ZNF891: variants seen among roughly 807,000 people sequenced by gnomAD.
ZNF891 encodes zinc finger protein 891.
For missense variants in ZNF891, 589 were observed against 632.7 expected (o/e 0.93, Z 0.74); for synonymous variants, 199 against 209.0 (o/e 0.95, Z 0.41).
chr12:133,125,749 A>T (rs1193845115), intron 1 of ZNF891: 2 of 435,208 alleles, frequency 4.6e-6, no homozygotes, highest in East Asian at 6.0e-5. Flanking sequence ...GATAGAAGGT[A>T]ACACACTTGT....
At position 133,106,162 on chromosome 12, in the gene ZNF891, T is replaced by C. The variant is rs764632585; in HGVS notation, c.*14122A>G. 2.5e-6 allele frequency: 4 copies of C among 1,614,182 alleles called. No individual in the cohort carries two copies. The highest frequency in any genetic ancestry group is 3.4e-6 in the Non-Finnish European group (4 of 1,180,014). ...AACTCATTCGCCACCAGATTACACA[T>C]ACTGGAGAGAAACCTTATGAATGCA... On this transcript the variant is annotated 3_prime_UTR_variant, in exon 2 of 2. Transcript: ENST00000537226.
Position 133,121,549 on chromosome 12 carries a change from AT to A in ZNF891, c.369del (p.Glu123AspfsTer16). 1 of 1,536,398 alleles carries A rather than the reference AT, an allele frequency of 6.5e-7. No individual in the cohort carries two copies. The highest frequency in any genetic ancestry group is 8.7e-7 in the Non-Finnish European group (1 of 1,146,968). ...TCCCACAAAATTTTCTGCACAGTTG[AT>A]TCTTTGGTTTTAGGTTGAATCTTCT... ...PDQKIQPKTK[E>X]STVQKILWEE... On this transcript the variant is annotated frameshift_variant, in exon 2 of 2. Transcript: ENST00000537226. LOFTEE classifies it low-confidence loss of function (END_TRUNC).
At position 133,105,888 on chromosome 12, in the gene ZNF891, T is replaced by G; in HGVS notation, c.*14396A>C. 6.2e-7 allele frequency: 1 copy of G among 1,614,152 alleles called. No individual in the cohort carries two copies. The highest frequency in any genetic ancestry group is 1.7e-5 in the Admixed American group (1 of 60,020). On this transcript the variant is annotated 3_prime_UTR_variant, in exon 2 of 2. Transcript: ENST00000537226. The stretch of plus-strand genomic sequence containing the variant: ...AAAACCTTTAGCCAGATTTCAAACC[T>G]TGTGAAACACCAAATGATACATACT...
rs1022927160 is a variant in ZNF891 at position 133,104,895 on chromosome 12, C to T, written c.*15389G>A. Among the ~76,000 whole-genome samples the T allele has an allele frequency of 8.6e-5, 13 of 152,006 alleles. No individual in the cohort carries two copies. Among genetic ancestry groups the T allele is most frequent in the African/African-American group, 2.7e-4 (11 of 41,446 alleles). On this transcript the variant is annotated 3_prime_UTR_variant, in exon 2 of 2. Coordinates refer to ENST00000537226, the MANE Select transcript of ZNF891 (RefSeq NM_001277291.2). ...TTTGGTGTGCAGATAATTTTGTCAC[C>T]CAGGTAATCAGCATAATGCCCAATA...
rs1475370637 is a variant in ZNF891, at chr12:133,121,116, G to C, written c.803C>G (p.Thr268Arg). 1 of 1,535,520 alleles carries C rather than the reference G, an allele frequency of 6.5e-7. No individual in the cohort carries two copies. Among genetic ancestry groups the C allele is most frequent in the East Asian group, 2.4e-5 (1 of 40,890 alleles). ...QRNQTVQKEY[T>R]YSKHGMHFTH... ...GAAGTGCATTCCATGTTTAGAATAT[G>C]TGTACTCTTTTTGTACTGTTTGATT... The change falls in exon 2 of 2, where the codon ACA becomes AGA. Residue 268 changes from threonine (T) to arginine (R), a missense_variant. Coordinates refer to ENST00000537226, the MANE Select transcript of ZNF891 (RefSeq NM_001277291.2).
At position 133,121,847 on chromosome 12, in the gene ZNF891, A is replaced by G; in HGVS notation, c.72T>C (p.Asn24=). ...KQDSACFHLR[N]AEEERMIAVF... ...CAGCAATCATCCTTTCCTCTTCAGC[A>G]TTTCTCAGATGGAAACAGGCAGAGT... Residue 24 remains asparagine (N), a synonymous_variant, in exon 2 of 2, where the codon AAT becomes AAC. Coordinates refer to ENST00000537226, the MANE Select transcript of ZNF891 (RefSeq NM_001277291.2). 6.5e-7 allele frequency: 1 copy of G among 1,536,604 alleles called. No homozygotes were observed. The highest frequency in any genetic ancestry group is 8.7e-7 in the Non-Finnish European group (1 of 1,147,008).
intron 1 of ZNF891, among the ~76,000 whole-genome samples, chr12:133,129,907 T>A (rs1955858152): frequency 6.6e-6 from 1 of 152,184 alleles, no homozygotes; most frequent in Non-Finnish European, 1.5e-5. Context: ...GCGTGCACCC[T>A]TTAGCCCTCC....
At position 133,120,526 on chromosome 12, in the gene ZNF891, A is replaced by G. The variant is rs929656326; in HGVS notation, c.1393T>C (p.Cys465Arg). 1 of 1,576,134 alleles carries G rather than the reference A, an allele frequency of 6.3e-7. No individual in the cohort carries two copies. The highest frequency in any genetic ancestry group is 1.4e-5 in the African/African-American group (1 of 73,704). Residue 465 changes from cysteine to arginine, a missense_variant, in exon 2 of 2, where the codon TGT becomes CGT. Transcript: ENST00000537226. ...TGENVYECSD[C>R]GKVFSGVSSL... ...GAGACCCCACTGAAAACTTTCCCAC[A>G]GTCACTGCATTCATAAACATTCTCT...
rs1284948598 is a variant in ZNF891 at position 133,114,276 on chromosome 12, T to C, written c.*6008A>G. The C allele has an allele frequency of 2.0e-5, 3 of 152,224 alleles. No individual in the cohort carries two copies. The highest frequency in any genetic ancestry group is 4.4e-5 in the Non-Finnish European group (3 of 68,056). The allele number at this position is 152,224 out of a possible 1,614,324, so 9.4% of individuals were successfully genotyped here. On this transcript the variant is annotated 3_prime_UTR_variant, in exon 2 of 2. Transcript: ENST00000537226. ...CTGTTGTCCTAACAGTCTTAGTTTC[T>C]GCACACCTGTTATGGTGCAACATTT...
In ZNF891 at chr12:133,106,554, CAAACCTTGCTA is replaced by C. The variant is rs1955606029; in HGVS notation, c.*13719_*13729del. On this transcript the variant is annotated 3_prime_UTR_variant, in exon 2 of 2. Transcript: ENST00000537226. The stretch of plus-strand genomic sequence containing the variant: ...TGCAACAAATCCTTCAGCTGGAGCT[CAAACCTTGCTA>C]AACATCAGAGGACACACACTCTTGA... The C allele has an allele frequency of 6.2e-7, 1 of 1,613,932 alleles. No homozygotes were observed. Among genetic ancestry groups the C allele is most frequent in the Non-Finnish European group, 8.5e-7 (1 of 1,180,002 alleles).
At chr12:133,125,755 C>T (rs1033450448) in intron 1 of ZNF891, 6 of 450,396 alleles carry the variant, frequency 1.3e-5, no homozygotes, top group Admixed American at 7.1e-5. Flanking sequence ...AGGTAACACA[C>T]TTGTGCTCAC....
At position 133,121,728 on chromosome 12, in the gene ZNF891, T is replaced by C; in HGVS notation, c.191A>G (p.Gln64Arg). ...QEEWMMLDSA[Q>R]RSLYRDVMLE... ...CATCACATCTCTGTACAGACTTCTT[T>C]GAGCAGAATCCAGCATCATCCACTC... The change falls in exon 2 of 2, where the codon CAA becomes CGA. Residue 64 changes from glutamine (Q) to arginine (R), a missense_variant. Coordinates refer to ENST00000537226, the MANE Select transcript of ZNF891 (RefSeq NM_001277291.2). 6.5e-7 allele frequency: 1 copy of C among 1,536,760 alleles called. No individual in the cohort carries two copies. Among genetic ancestry groups the C allele is most frequent in the Non-Finnish European group, 8.7e-7 (1 of 1,146,970 alleles).
In ZNF891 at chr12:133,111,061, C is replaced by G. The variant is rs1955679552; in HGVS notation, c.*9223G>C. 1 of 152,132 alleles carries G rather than the reference C, an allele frequency of 6.6e-6. No individual in the cohort carries two copies. Among genetic ancestry groups the G allele is most frequent in the Non-Finnish European group, 1.5e-5 (1 of 68,028 alleles). The allele number at this position is 152,132 out of a possible 1,614,324, so 9.4% of individuals were successfully genotyped here. A position where few individuals can be genotyped will look rare whatever the true frequency, so the allele number is the denominator to read the frequency against. On this transcript the variant is annotated 3_prime_UTR_variant, in exon 2 of 2. Coordinates refer to ENST00000537226, the MANE Select transcript of ZNF891 (RefSeq NM_001277291.2). ...GAAATTTCAGAGCAAAGAGAGGTAGCAAAACCTGCCTATTGGGTATGATTG... is the reference window on the plus strand; with the variant it reads ...GAAATTTCAGAGCAAAGAGAGGTAGGAAAACCTGCCTATTGGGTATGATTG...
chr12:133,106,711 C>T lies in ZNF891; in HGVS notation c.*13573G>A. The T allele has an allele frequency of 1.4e-6, 2 of 1,404,972 alleles. No individual in the cohort carries two copies. Among genetic ancestry groups the T allele is most frequent in the Non-Finnish European group, 1.9e-6 (2 of 1,047,768 alleles). 87.0% of individuals were successfully genotyped at this position (1,404,972 alleles called of 1,614,324 possible). ...AATTTTTTAAAAAGAAGTATAATGC[C>T]TTACTTCAGAGAACTCTTGGAAAGA... On this transcript the variant is annotated 3_prime_UTR_variant, in exon 2 of 2. Coordinates refer to ENST00000537226, the MANE Select transcript of ZNF891 (RefSeq NM_001277291.2).
Position 133,121,139 on chromosome 12 carries a change from A to C in ZNF891, c.780T>G (p.Asn260Lys), listed in dbSNP as rs1228052960. 4 of 1,535,250 alleles carry C rather than the reference A, an allele frequency of 2.6e-6. No individual in the cohort carries two copies. The Admixed American group carries it at 7.8e-5, about 30-fold the overall frequency. The change falls in exon 2 of 2, where the codon AAT becomes AAG. Residue 260 changes from asparagine to lysine, a missense_variant. By Grantham distance (94) the Asn-to-Lys change is moderately conservative. Transcript: ENST00000537226. Reference sequence around the variant, plus strand: ...ATGTGTACTCTTTTTGTACTGTTTGATTTCTCTGAAAATGCCATAGAGTTG... The same window carrying C: ...ATGTGTACTCTTTTTGTACTGTTTGCTTTCTCTGAAAATGCCATAGAGTTG... ...CDTTLWHFQR[N>K]QTVQKEYTYS...
chr12:133,119,626 G>A lies in ZNF891; in HGVS notation c.*658C>T, dbSNP rs1955736767. On this transcript the variant is annotated 3_prime_UTR_variant, in exon 2 of 2. Transcript: ENST00000537226. ...TGCAGGGCTGGTACAACTATTTAAA[G>A]ATTTCTTTGAGGAACAGGGATCTCT... The A allele has an allele frequency of 6.6e-6, 1 of 152,234 alleles. No homozygotes were observed. The highest frequency in any genetic ancestry group is 2.4e-5 in the African/African-American group (1 of 41,462). 9.4% of individuals were successfully genotyped at this position (152,234 alleles called of 1,614,324 possible). A position where few individuals can be genotyped will look rare whatever the true frequency, so the allele number is the denominator to read the frequency against.
At position 133,110,210 on chromosome 12, in the gene ZNF891, C is replaced by G. The variant is rs916603021; in HGVS notation, c.*10074G>C. The G allele has an allele frequency of 6.6e-6, 1 of 152,102 alleles. No homozygotes were observed. The highest frequency in any genetic ancestry group is 1.5e-5 in the Non-Finnish European group (1 of 68,004). The allele number at this position is 152,102 out of a possible 1,614,324, so 9.4% of individuals were successfully genotyped here. A position where few individuals can be genotyped will look rare whatever the true frequency, so the allele number is the denominator to read the frequency against. ...ATAAAATACACCGAAGTAAATAGCA[C>G]GACAATAGCACAAGAAAGGAGGGAG... is the stretch of plus-strand genomic sequence containing the variant. On this transcript the variant is annotated 3_prime_UTR_variant, in exon 2 of 2. Coordinates refer to ENST00000537226, the MANE Select transcript of ZNF891 (RefSeq NM_001277291.2).
intron 1 of ZNF891, chr12:133,125,559 A>C (rs1021010306): frequency 8.8e-5 from 17 of 192,110 alleles, no homozygotes; most frequent in African/African-American, 3.8e-4. Context: ...TCAAAAAGGC[A>C]GTGGTGAAAG....
At position 133,115,932 on chromosome 12, in the gene ZNF891, C is replaced by T. The variant is rs1371044180; in HGVS notation, c.*4352G>A. The T allele has an allele frequency of 6.6e-6, 1 of 152,136 alleles. No individual in the cohort carries two copies. Among genetic ancestry groups the T allele is most frequent in the Non-Finnish European group, 1.5e-5 (1 of 68,018 alleles). 9.4% of individuals were successfully genotyped at this position (152,136 alleles called of 1,614,324 possible). On this transcript the variant is annotated 3_prime_UTR_variant, in exon 2 of 2. Transcript: ENST00000537226. ...ATTTCTTTTGAAAGTCACATCGGCG[C>T]ACAAGGTTTCAGGTTTTGGAGCATT...
Sources: gnomAD v4.1 joint callset for allele counts (sites outside exome capture counted in the v4.1 genomes callset) on GRCh38, gnomAD v4.1.1 for gene constraint, MANE v1.5 for transcripts, NCBI Gene and HGNC (gene_info 2026-07-23, HGNC 2026-07-21) for gene names.